The following ANKFY1 variants were observed in gnomAD, a reference collection of about 807,000 sequenced individuals.
The protein encoded by ANKFY1 is ankyrin repeat and FYVE domain-containing protein 1.
ANKFY1 carries 47 observed loss-of-function variants against 128.3 expected under a neutral mutation model. That is an observed-to-expected ratio of 0.37 (90% CI 0.29 to 0.47). The LOEUF (loss-of-function observed/expected upper bound fraction) is 0.47. Ranked by LOEUF, ANKFY1 falls within the 20% of genes least tolerant of loss-of-function variation. ANKFY1 has a pLI of 1.00. For missense variants in ANKFY1, 1,222 were observed against 1,510.6 expected (o/e 0.81, Z 3.17); for synonymous variants, 553 against 601.6 (o/e 0.92, Z 1.18).
intron 3 of ANKFY1, among the ~76,000 whole-genome samples, chr17:4,219,949 C>A (rs557997145): frequency 7.2e-5 from 11 of 151,998 alleles, no homozygotes; most frequent in African/African-American, 2.4e-4. Context: ...AGACTCCCAA[C>A]GTAGCTGGGA....
At chr17:4,255,743 G>A (rs1029378646) in intron 1 of ANKFY1, among the ~76,000 whole-genome samples, 3 of 151,724 alleles carry the variant, frequency 2.0e-5, no homozygotes, top group Admixed American at 6.6e-5. Context: ...CAGCTTCCCA[G>A]AAAATACTAT....
At chr17:4,188,935 C>T (rs1377819044) in intron 11 of ANKFY1, 1 of 153,044 alleles carries the variant, frequency 6.5e-6, no homozygotes, top group Non-Finnish European at 1.4e-5. Context: ...AACTCGGTAA[C>T]GTCCAACCCC....
chr17:4,172,738 A>AT, intron 21 of ANKFY1, 58 bp from the exon 22 acceptor site: 1 of 1,593,566 alleles, frequency 6.3e-7, no homozygotes, highest in Admixed American at 1.7e-5. Context: ...CACACACAAA[A>AT]TAAATAGAAT....
At chr17:4,203,463 C>T (rs1053568001) in intron 7 of ANKFY1, among the ~76,000 whole-genome samples, 4 of 152,148 alleles carry the variant, frequency 2.6e-5, no homozygotes, top group African/African-American at 9.7e-5. Context: ...ATATTTCATG[C>T]TGCTCCAGTT....
intron 17 of ANKFY1, 108 bp from the exon 18 acceptor site, chr17:4,179,165 T>TA: frequency 8.4e-7 from 1 of 1,191,978 alleles, no homozygotes; most frequent in South Asian, 1.3e-5. Context: ...AATCGATCAA[T>TA]ACTACCACCC....
rs371551597 is a variant in ANKFY1, at chr17:4,167,827, C to T, written c.3462G>A (p.Arg1154=). The change falls in exon 25 of 25, where the codon CGG becomes CGA. Residue 1154 remains arginine, a synonymous_variant. Transcript: ENST00000341657. The surrounding 1 kb of genome is among the most constrained non-coding windows in gnomAD (Gnocchi z 4.1). ...GTACATCAAAACAAATGTTGCAAAC[C>T]CGCACAGGCTTGTTCAGATCAAACT... The part of the protein sequence containing the change: ...IIKFDLNKPV[R]VCNICFDVLT... 4.8e-5 allele frequency: 77 copies of T among 1,613,840 alleles called. No homozygotes were observed. Among genetic ancestry groups the T allele is most frequent in the Non-Finnish European group, 5.8e-5 (68 of 1,179,926 alleles).
At position 4,255,913 on chromosome 17, in the gene ANKFY1, G is replaced by A. The variant is rs535200908; in HGVS notation, c.10+8019C>T. Among the ~76,000 whole-genome samples, 114 of 151,952 alleles carry A rather than the reference G, an allele frequency of 7.5e-4. 1 individual carries two copies. The highest frequency in any genetic ancestry group is 1.2e-3 in the Non-Finnish European group (83 of 67,968). On this transcript the variant is annotated intron_variant, in intron 1 of 24. Coordinates refer to ENST00000341657, the MANE Select transcript of ANKFY1 (RefSeq NM_001330063.2). The stretch of plus-strand genomic sequence containing the variant: ...GCTCACTGCAACCTCCGCTTCCCAG[G>A]TTCAAGCAATTCTTCTGCCTCAGCC...
rs895641168 is a variant in ANKFY1 at position 4,165,535 on chromosome 17, G to A, written c.*2244C>T. 5 of 152,214 alleles carry A rather than the reference G, an allele frequency of 3.3e-5. No homozygotes were observed. The highest frequency in any genetic ancestry group is 5.9e-5 in the Non-Finnish European group (4 of 68,040). The allele number at this position is 152,214 out of a possible 1,614,324, so 9.4% of individuals were successfully genotyped here. On this transcript the variant is annotated 3_prime_UTR_variant, in exon 25 of 25. Coordinates refer to ENST00000341657, the MANE Select transcript of ANKFY1 (RefSeq NM_001330063.2). ...AGCAGCCTGCTGAGTGCAGCCCAGC[G>A]AGCGTCCGCGTGGTCGGGGGGCTTC...
intron 7 of ANKFY1, among the ~76,000 whole-genome samples, chr17:4,204,079 CACTG>C (rs1241204856): frequency 6.6e-6 from 1 of 152,216 alleles, no homozygotes; most frequent in East Asian, 1.9e-4. Context: ...TTAGGATGAT[CACTG>C]ACTATTTTGT....
chr17:4,245,160 G>T (rs1480504752), intron 1 of ANKFY1, among the ~76,000 whole-genome samples: 2 of 151,986 alleles, frequency 1.3e-5, no homozygotes, highest in Non-Finnish European at 2.9e-5. Context: ...TCTCTTTCAC[G>T]TGCTTCCCTG....
chr17:4,218,420 G>T (rs1325504762), intron 3 of ANKFY1, among the ~76,000 whole-genome samples: 1 of 152,116 alleles, frequency 6.6e-6, no homozygotes, highest in Non-Finnish European at 1.5e-5. Flanking sequence ...TTACTACATA[G>T]GCTTTTTGAA....
intron 3 of ANKFY1, among the ~76,000 whole-genome samples, chr17:4,230,215 G>A (rs1406525524): frequency 1.3e-5 from 2 of 152,196 alleles, no homozygotes; most frequent in African/African-American, 4.8e-5. Context: ...TCCAGATGGT[G>A]CTTCAGGGGA....
chr17:4,212,688 G>A (rs1423293995), intron 4 of ANKFY1, among the ~76,000 whole-genome samples: 3 of 151,976 alleles, frequency 2.0e-5, no homozygotes, highest in Non-Finnish European at 4.4e-5. Context: ...GGTAACAGAC[G>A]TAGAAAAAGA....
intron 6 of ANKFY1, 115 bp downstream of exon 6, chr17:4,207,818 C>A (rs1319539067): frequency 1.9e-6 from 2 of 1,069,836 alleles, no homozygotes; most frequent in South Asian, 2.1e-5. Context: ...TAGTAGAAAT[C>A]CGTACGTTAA....
chr17:4,168,533 G>A (rs1303888256), intron 24 of ANKFY1, among the ~76,000 whole-genome samples: 2 of 151,970 alleles, frequency 1.3e-5, no homozygotes, highest in Non-Finnish European at 2.9e-5. Flanking sequence ...CGCTCTGTGG[G>A]CCACGCTGGA....
intron 7 of ANKFY1, among the ~76,000 whole-genome samples, chr17:4,199,187 AC>A (rs905568354): frequency 6.6e-6 from 1 of 151,938 alleles, no homozygotes; most frequent in East Asian, 1.9e-4. Flanking sequence ...TTACAGAAAA[AC>A]CATTCTTCTT....
At chr17:4,217,999 T>C (rs1301817313) in intron 3 of ANKFY1, among the ~76,000 whole-genome samples, 1 of 152,146 alleles carries the variant, frequency 6.6e-6, no homozygotes, top group African/African-American at 2.4e-5. Context: ...TAACATTCTT[T>C]ATGATAAAAA....
chr17:4,262,355 G>C (rs953740924), intron 1 of ANKFY1, among the ~76,000 whole-genome samples: 6 of 152,100 alleles, frequency 3.9e-5, no homozygotes. Flanking sequence ...TCCGTTTTCC[G>C]GGTTCAAGCG....
At chr17:4,173,172 AT>A (rs1193787931) in intron 21 of ANKFY1, among the ~76,000 whole-genome samples, 181 bp downstream of exon 21, 3 of 152,230 alleles carry the variant, frequency 2.0e-5, no homozygotes, top group African/African-American at 4.8e-5. Context: ...TTTAAGAAGC[AT>A]TTTTTATTAA....
Sources: allele counts gnomAD v4.1 joint callset (sites outside exome capture counted in the v4.1 genomes callset), GRCh38; gene constraint gnomAD v4.1.1; non-coding constraint Gnocchi (gnomAD v3.1); transcripts MANE v1.5; gene names NCBI Gene and HGNC (gene_info 2026-07-23, HGNC 2026-07-21).